The following RPH3AL variants were observed in gnomAD, a reference collection of about 807,000 sequenced individuals.
The protein encoded by RPH3AL is rabphilin 3A like (without C2 domains).
In RPH3AL, 38 loss-of-function variants were observed where a neutral mutation model predicts 43.1. That is an observed-to-expected ratio of 0.88 (90% CI 0.68 to 1.15). RPH3AL has a LOEUF of 1.15. Among genes scored for constraint, RPH3AL ranks in the 50% most tolerant of loss-of-function variants. The probability of loss-of-function intolerance (pLI) is 0.00; values close to 1 mark genes in which losing one functional copy is unlikely to be tolerated. For missense variants in RPH3AL, 462 were observed against 423.2 expected (o/e 1.09, Z -0.81); for synonymous variants, 189 against 176.3 (o/e 1.07, Z -0.57).
chr17:244,132 TATTG>T (rs1440801249), intron 7 of RPH3AL, among the ~76,000 whole-genome samples: 10 of 150,650 alleles, frequency 6.6e-5, no homozygotes, highest in African/African-American at 1.2e-4. Context: ...ACCCTTCCTC[TATTG>T]ATTATCTTCC....
In RPH3AL at chr17:215,928, C is replaced by T. The variant is rs1169024157; in HGVS notation, c.728-126G>A. On this transcript the variant is annotated intron_variant, in intron 8 of 9. Transcript: ENST00000331302. This position sits in a 1 kb window ranked among gnomAD's most constrained non-coding sequence, Gnocchi z 4.1. ...CCCCCCACCCCACCCACATGGCTGC[C>T]AGGCTCTGGCCTGACCTCACCCACA... is the stretch of plus-strand genomic sequence containing the variant. 1.1e-6 allele frequency: 1 copy of T among 948,878 alleles called. No homozygotes were observed. 58.8% of individuals were successfully genotyped at this position (948,878 alleles called of 1,614,324 possible). A position where few individuals can be genotyped will look rare whatever the true frequency, so the allele number is the denominator to read the frequency against.
At chr17:334,399 G>A (rs560131881) in intron 1 of RPH3AL, among the ~76,000 whole-genome samples, 114 of 152,324 alleles carry the variant, frequency 7.5e-4, no homozygotes, top group Non-Finnish European at 6.3e-4. Context: ...TCTCTAGCCC[G>A]TCCACTGCGG....
chr17:332,167 G>C, intron 2 of RPH3AL: 1 of 333,566 alleles, frequency 3.0e-6, no homozygotes, highest in Non-Finnish European at 5.9e-6. Flanking sequence ...TGTGGACAGG[G>C]CTGGTGGAGC....
chr17:286,200 C>G (rs564903597), intron 5 of RPH3AL, among the ~76,000 whole-genome samples: 57 of 152,296 alleles, frequency 3.7e-4, no homozygotes, highest in African/African-American at 1.3e-3. Context: ...CACGAGGACG[C>G]GGAGCCAACG....
chr17:286,231 G>C (rs1005050443), intron 5 of RPH3AL, among the ~76,000 whole-genome samples: 1 of 152,212 alleles, frequency 6.6e-6, no homozygotes, highest in Non-Finnish European at 1.5e-5. Context: ...CAGGAGCAGC[G>C]TGGACCAGTC....
At chr17:231,127 C>T (rs1185024600) in intron 7 of RPH3AL, among the ~76,000 whole-genome samples, 1 of 152,216 alleles carries the variant, frequency 6.6e-6, no homozygotes, top group Non-Finnish European at 1.5e-5. Context: ...CTCTCACTCT[C>T]CAGGATCTGC....
rs77331103 is a variant in RPH3AL, at chr17:213,527, A to C, written c.*325T>G. ...CACCGGGCGGCCCCTCTGACACTGC[A>C]TGTGGGAAACCCCCCAGCCCAACCC... On this transcript the variant is annotated 3_prime_UTR_variant, in exon 10 of 10. Coordinates refer to ENST00000331302, the MANE Select transcript of RPH3AL (RefSeq NM_006987.4). The C allele has an allele frequency of 2.1e-3, 968 of 459,656 alleles. 8 individuals are homozygous for C. The highest frequency in any genetic ancestry group is 0.015 in the African/African-American group (751 of 50,434). 28.5% of individuals were successfully genotyped at this position (459,656 alleles called of 1,614,324 possible). A position where few individuals can be genotyped will look rare whatever the true frequency, so the allele number is the denominator to read the frequency against.
intron 1 of RPH3AL, among the ~76,000 whole-genome samples, chr17:347,931 C>T (rs1009219119): frequency 6.6e-6 from 1 of 151,146 alleles, no homozygotes; most frequent in African/African-American, 2.4e-5. Flanking sequence ...TTTAGGAGAC[C>T]GAGGTGGAAG....
Position 332,002 on chromosome 17 carries a change from G to A in RPH3AL, c.-37+1757C>T. The A allele has an allele frequency of 4.5e-6, 3 of 661,542 alleles. No homozygotes were observed. In the South Asian group the frequency reaches 4.9e-5, roughly 11 times the overall value. The allele number at this position is 661,542 out of a possible 1,614,324, so 41.0% of individuals were successfully genotyped here. A position where few individuals can be genotyped will look rare whatever the true frequency, so the allele number is the denominator to read the frequency against. ...GATGGAATTGGCCTGGGGAGCAGAG[G>A]CAGGAGGTTCTGTGGACAGGGCTGG... On this transcript the variant is annotated intron_variant, in intron 2 of 9. Coordinates refer to ENST00000331302, the MANE Select transcript of RPH3AL (RefSeq NM_006987.4).
intron 6 of RPH3AL, among the ~76,000 whole-genome samples, chr17:277,066 T>C (rs1597997254): frequency 6.6e-6 from 1 of 152,204 alleles, no homozygotes; most frequent in Admixed American, 6.5e-5. Context: ...ATCATTGATT[T>C]TCCTCCTAGA....
At chr17:232,904 T>G (rs973710610) in intron 7 of RPH3AL, among the ~76,000 whole-genome samples, 3 of 148,382 alleles carry the variant, frequency 2.0e-5, no homozygotes, top group African/African-American at 7.6e-5. Flanking sequence ...CTATTAGCTT[T>G]ACATTTCAAA....
At chr17:226,678 C>G (rs1370083494) in intron 7 of RPH3AL, among the ~76,000 whole-genome samples, 3 of 152,202 alleles carry the variant, frequency 2.0e-5, no homozygotes, top group Non-Finnish European at 2.9e-5. Context: ...AAGGAAGAAG[C>G]CTTTTCTTCT....
intron 6 of RPH3AL, among the ~76,000 whole-genome samples, chr17:253,656 T>A (rs62056574): frequency 9.0e-6 from 1 of 111,662 alleles, no homozygotes; most frequent in Non-Finnish European, 2.0e-5. Context: ...CACCCCAGTC[T>A]GCTGTCTGTC....
chr17:258,772 T>G (rs1211641521), intron 6 of RPH3AL, among the ~76,000 whole-genome samples: 1 of 150,476 alleles, frequency 6.6e-6, no homozygotes, highest in Non-Finnish European at 1.5e-5. Flanking sequence ...TTTTTTTTTT[T>G]TTTTTTGAGA....
Position 333,304 on chromosome 17 carries a change from G to C in RPH3AL, c.-37+455C>G, listed in dbSNP as rs1358885874. On this transcript the variant is annotated intron_variant, in intron 2 of 9. Coordinates refer to ENST00000331302, the MANE Select transcript of RPH3AL (RefSeq NM_006987.4). The surrounding 1 kb of genome is among the most constrained non-coding windows in gnomAD (Gnocchi z 4.5). ...ACGTGGTCACTCCTGGGGGCGGTAGGATATTTTATCCTAAAGAGAAAACAC... is the reference window on the plus strand; with the variant it reads ...ACGTGGTCACTCCTGGGGGCGGTAGCATATTTTATCCTAAAGAGAAAACAC... 1 of 1,286,054 alleles carries C rather than the reference G, an allele frequency of 7.8e-7. No individual in the cohort carries two copies. The highest frequency in any genetic ancestry group is 1.0e-6 in the Non-Finnish European group (1 of 987,486). The allele number at this position is 1,286,054 out of a possible 1,614,324, so 79.7% of individuals were successfully genotyped here.
At chr17:305,965 T>TCCTCAG (rs745499139) in intron 5 of RPH3AL, among the ~76,000 whole-genome samples, 1 of 149,190 alleles carries the variant, frequency 6.7e-6, no homozygotes, top group East Asian at 2.0e-4. Flanking sequence ...GCTCAAGCAA[T>TCCTCAG]CCTCAGCCTC....
chr17:303,691 G>A (rs2043392636), intron 5 of RPH3AL, among the ~76,000 whole-genome samples: 2 of 20,038 alleles, frequency 1.0e-4, no homozygotes, highest in Non-Finnish European at 1.8e-4. Flanking sequence ...GGGGAGGGAG[G>A]GAGGCTGTAC....
At chr17:252,254 C>T (rs768787971) in intron 6 of RPH3AL, among the ~76,000 whole-genome samples, 20 of 152,140 alleles carry the variant, frequency 1.3e-4, no homozygotes, top group Non-Finnish European at 2.5e-4. Flanking sequence ...GGATTACAAA[C>T]ACGAGCCACC....
At chr17:306,838 C>T (rs896818472) in intron 5 of RPH3AL, among the ~76,000 whole-genome samples, 1 of 151,890 alleles carries the variant, frequency 6.6e-6, no homozygotes, top group Non-Finnish European at 1.5e-5. Context: ...CCCCTCTGAC[C>T]TCCTCTTCTT....
Sources: gnomAD v4.1 joint callset for allele counts (sites outside exome capture counted in the v4.1 genomes callset) on GRCh38, gnomAD v4.1.1 for gene constraint, Gnocchi (gnomAD v3.1) non-coding constraint, MANE v1.5 for transcripts, NCBI Gene and HGNC (gene_info 2026-07-23, HGNC 2026-07-21) for gene names.